The following SPATA31D1 variants were observed in gnomAD, a reference collection of about 807,000 sequenced individuals.
SPATA31D1 encodes the protein SPATA31 subfamily D member 1, also known as spermatogenesis-associated protein 31D1.
In SPATA31D1, 6 loss-of-function variants were observed where a neutral mutation model predicts 13.2. That is an observed-to-expected ratio of 0.46 (90% CI 0.25 to 0.90). The LOEUF is 0.90. Ranked by LOEUF, SPATA31D1 falls within the 40% of genes least tolerant of loss-of-function variation. The pLI, the probability that SPATA31D1 is intolerant of heterozygous loss-of-function variation, is 0.18. For missense variants in SPATA31D1, 2,445 were observed against 1,884.7 expected (o/e 1.30, Z -5.50); for synonymous variants, 903 against 718.8 (o/e 1.26, Z -4.10).
rs774824424 is a variant in SPATA31D1 at position 81,993,937 on chromosome 9, A to C, written c.3467A>C (p.Gln1156Pro). The C allele has an allele frequency of 1.9e-6, 3 of 1,613,930 alleles. No individual in the cohort carries two copies. The highest frequency in any genetic ancestry group is 2.5e-6 in the Non-Finnish European group (3 of 1,179,826). The change falls in exon 4 of 4, where the codon CAA (glutamine) becomes CCA (proline). Residue 1156 changes from glutamine (Q) to proline (P), a missense_variant. Physicochemically the swap from Gln to Pro is moderately conservative, Grantham distance 76. Coordinates refer to ENST00000344803, the MANE Select transcript of SPATA31D1 (RefSeq NM_001001670.3). ...TFPVTNALQS[Q>P]TRNNLTTSKS... ...CCTGTCACCAATGCTCTTCAATCAC[A>C]AACTAGGAACAACTTGACAACCAGC...
At position 81,989,720 on chromosome 9, in the gene SPATA31D1, T is replaced by C. The variant is rs555342349; in HGVS notation, c.187-58T>C. 1.1e-4 allele frequency: 174 copies of C among 1,571,298 alleles called. 2 individuals are homozygous for C. In the Middle Eastern group the frequency reaches 5.2e-3, roughly 47 times the overall value. On this transcript the variant is annotated intron_variant, in intron 1 of 3. Coordinates refer to ENST00000344803, the MANE Select transcript of SPATA31D1 (RefSeq NM_001001670.3). ...TGAATGAATGAATGAATGAATGAGC[T>C]TCATAGAGAGTGAGAGAAGTGAGTC...
chr9:81,993,374 T>G lies in SPATA31D1; in HGVS notation c.2904T>G (p.Thr968=). ...TCTCTAAGTCCCGTAGTCGAAGCACTTTTCAAGGAGAAAAGTTGGGAACAA... is the reference window on the plus strand; with the variant it reads ...TCTCTAAGTCCCGTAGTCGAAGCACGTTTCAAGGAGAAAAGTTGGGAACAA... The part of the protein sequence containing the change: ...DGVSKSRSRS[T]FQGEKLGTTS... Residue 968 remains threonine, a synonymous_variant, in exon 4 of 4, where the codon ACT becomes ACG. Transcript: ENST00000344803. The G allele has an allele frequency of 6.2e-7, 1 of 1,613,986 alleles. No homozygotes were observed. The highest frequency in any genetic ancestry group is 8.5e-7 in the Non-Finnish European group (1 of 1,179,898).
intron 3 of SPATA31D1, 75 bp from the exon 4 acceptor site, chr9:81,990,698 T>C (rs1352661711): frequency 3.9e-6 from 6 of 1,521,362 alleles, no homozygotes; most frequent in Non-Finnish European, 4.4e-6. Flanking sequence ...CAATGTGATA[T>C]GGGCAGCAGG....
In SPATA31D1 at chr9:81,993,729, C is replaced by G; in HGVS notation, c.3259C>G (p.Gln1087Glu). The change falls in exon 4 of 4, where the codon CAG becomes GAG. Residue 1087 changes from glutamine to glutamate, a missense_variant. Physicochemically the swap from Gln to Glu is conservative, Grantham distance 29 (BLOSUM62 2). Transcript: ENST00000344803. ...TGTCCGGACAACAGAGGATGGCAGACAGACTTTTCTGCCCCCGCCACACAG... is the reference window on the plus strand; with the variant it reads ...TGTCCGGACAACAGAGGATGGCAGAGAGACTTTTCTGCCCCCGCCACACAG... ...ESVRTTEDGRQTFLPPPHSIV... is the reference protein window; with the variant it reads ...ESVRTTEDGRETFLPPPHSIV... 1 of 1,613,980 alleles carries G rather than the reference C, an allele frequency of 6.2e-7. No homozygotes were observed. Among genetic ancestry groups the G allele is most frequent in the Admixed American group, 1.7e-5 (1 of 60,020 alleles).
In SPATA31D1 at chr9:81,991,091, C is replaced by T. The variant is rs1374644323; in HGVS notation, c.621C>T (p.Thr207=). The T allele has an allele frequency of 8.7e-6, 14 of 1,613,600 alleles. No individual in the cohort carries two copies. Among genetic ancestry groups the T allele is most frequent in the African/African-American group, 1.3e-5 (1 of 74,906 alleles). ...TTCTCTCACCTGACCTGATCACCAC[C>T]TTAGCTGACTTATTTTCACCCTCAC... ...PLILSPDLIT[T]LADLFSPSPL... is the part of the protein sequence containing the mutation. Residue 207 remains threonine (T), a synonymous_variant, in exon 4 of 4, where the codon ACC becomes ACT. Transcript: ENST00000344803.
At position 81,991,467 on chromosome 9, in the gene SPATA31D1, T is replaced by C; in HGVS notation, c.997T>C (p.Ser333Pro). 3 of 1,614,010 alleles carry C rather than the reference T, an allele frequency of 1.9e-6. No homozygotes were observed. Among genetic ancestry groups the C allele is most frequent in the Non-Finnish European group, 2.5e-6 (3 of 1,179,898 alleles). ...TCCGGAAATGTTATCTCTAGGTGGC[T>C]CTGGTGGGTCATCCACCTCTGCCCC... is the stretch of plus-strand genomic sequence containing the variant. ...TFPEMLSLGG[S>P]GGSSTSAPTI... Residue 333 changes from serine to proline, a missense_variant, in exon 4 of 4, where the codon TCT (serine) becomes CCT (proline). By Grantham distance (74) the Ser-to-Pro change is moderately conservative (BLOSUM62 -1). Coordinates refer to ENST00000344803, the MANE Select transcript of SPATA31D1 (RefSeq NM_001001670.3).
upstream of SPATA31D1, chr9:81,988,638 C>A: frequency 1.1e-6 from 1 of 876,134 alleles, no homozygotes; most frequent in Non-Finnish European, 1.7e-6. Flanking sequence ...ACCTAGAGGG[C>A]CCAGGAGAGT....
In SPATA31D1 at chr9:81,994,785, G is replaced by T; in HGVS notation, c.4315G>T (p.Gly1439Trp). 1.2e-6 allele frequency: 2 copies of T among 1,613,976 alleles called. No individual in the cohort carries two copies. Among genetic ancestry groups the T allele is most frequent in the Non-Finnish European group, 8.5e-7 (1 of 1,179,890 alleles). The change falls in exon 4 of 4, where the codon GGG (glycine) becomes TGG (tryptophan). Residue 1439 changes from glycine (G) to tryptophan (W), a missense_variant. Coordinates refer to ENST00000344803, the MANE Select transcript of SPATA31D1 (RefSeq NM_001001670.3). ...QEPLSFPVGL[G>W]KAQHNPEVHV... ...GCCCCTTTCCTTCCCAGTGGGGCTTGGGAAAGCTCAGCACAACCCAGAAGT... is the reference window on the plus strand; with the variant it reads ...GCCCCTTTCCTTCCCAGTGGGGCTTTGGAAAGCTCAGCACAACCCAGAAGT...
chr9:81,992,436 A>C lies in SPATA31D1; in HGVS notation c.1966A>C (p.Asn656His). ...GGAAGACTTTTGTCCTCCAGCTCCC[A>C]ATCCTGAATTGGTCAGAAAGTCCTT... Reference protein sequence around the residue: ...SQEDFCPPAPNPELVRKSFKV... With the variant: ...SQEDFCPPAPHPELVRKSFKV... The change falls in exon 4 of 4, where the codon AAT becomes CAT. Residue 656 changes from asparagine (N) to histidine (H), a missense_variant. By Grantham distance (68) the Asn-to-His change is moderately conservative. Coordinates refer to ENST00000344803, the MANE Select transcript of SPATA31D1 (RefSeq NM_001001670.3). The C allele has an allele frequency of 6.2e-7, 1 of 1,612,836 alleles. No homozygotes were observed. The highest frequency in any genetic ancestry group is 8.5e-7 in the Non-Finnish European group (1 of 1,179,718).
rs1824966078 is a variant in SPATA31D1, at chr9:81,991,620, CAT to C, written c.1151_1152del (p.His384LeufsTer3). ...TTTCATGGAGGAGCTTCTTACCCTTCATTCTTCTGAGGCCTTTTTAGGGGGGC... is the reference window on the plus strand; with the variant it reads ...TTTCATGGAGGAGCTTCTTACCCTTCTCTTCTGAGGCCTTTTTAGGGGGGC... ...SDFMEELLTL[H>X]SSEAFLGGHS... On this transcript the variant is annotated frameshift_variant, in exon 4 of 4. Coordinates refer to ENST00000344803, the MANE Select transcript of SPATA31D1 (RefSeq NM_001001670.3). LOFTEE classifies it low-confidence loss of function (END_TRUNC). 5.0e-6 allele frequency: 8 copies of C among 1,613,844 alleles called. No homozygotes were observed. In the Admixed American group the frequency reaches 1.3e-4, roughly 27 times the overall value.
In SPATA31D1 at chr9:81,994,268, G is replaced by T. The variant is rs1364557824; in HGVS notation, c.3798G>T (p.Val1266=). The T allele has an allele frequency of 6.2e-7, 1 of 1,614,006 alleles. No individual in the cohort carries two copies. Among genetic ancestry groups the T allele is most frequent in the Non-Finnish European group, 8.5e-7 (1 of 1,179,898 alleles). Residue 1266 remains valine (V), a synonymous_variant, in exon 4 of 4, where the codon GTG becomes GTT. Coordinates refer to ENST00000344803, the MANE Select transcript of SPATA31D1 (RefSeq NM_001001670.3). Reference sequence around the variant, plus strand: ...ACTTGGAGGACAGCGGAATCCGTGTGGCACAGAAGCAGGAGCCCAGGGTCC... The same window carrying T: ...ACTTGGAGGACAGCGGAATCCGTGTTGCACAGAAGCAGGAGCCCAGGGTCC... ...HVHLEDSGIR[V]AQKQEPRVPT... is the part of the protein sequence containing the mutation.
chr9:81,993,014 G>C lies in SPATA31D1; in HGVS notation c.2544G>C (p.Gly848=), dbSNP rs1435379497. Residue 848 remains glycine (G), a synonymous_variant, in exon 4 of 4, where the codon GGG becomes GGC. Coordinates refer to ENST00000344803, the MANE Select transcript of SPATA31D1 (RefSeq NM_001001670.3). ...FEEINEGRMP[G]TVHSSWHSVK... is the part of the protein sequence containing the mutation. ...AAATCAATGAGGGTCGAATGCCTGG[G>C]ACTGTGCATAGTTCATGGCACTCAG... 1 of 1,613,748 alleles carries C rather than the reference G, an allele frequency of 6.2e-7. No homozygotes were observed.
chr9:81,992,436 A>T lies in SPATA31D1; in HGVS notation c.1966A>T (p.Asn656Tyr). Residue 656 changes from asparagine to tyrosine, a missense_variant, in exon 4 of 4, where the codon AAT becomes TAT. Transcript: ENST00000344803. ...SQEDFCPPAP[N>Y]PELVRKSFKV... ...GGAAGACTTTTGTCCTCCAGCTCCC[A>T]ATCCTGAATTGGTCAGAAAGTCCTT... 2.5e-6 allele frequency: 4 copies of T among 1,612,836 alleles called. No individual in the cohort carries two copies. The South Asian group carries it at 3.3e-5, about 13-fold the overall frequency.
rs1825045534 is a variant in SPATA31D1 at position 81,994,200 on chromosome 9, A to T, written c.3730A>T (p.Ile1244Phe). The T allele has an allele frequency of 1.2e-6, 2 of 1,614,046 alleles. No individual in the cohort carries two copies. Among genetic ancestry groups the T allele is most frequent in the South Asian group, 2.2e-5 (2 of 91,090 alleles). The change falls in exon 4 of 4, where the codon ATC becomes TTC. Residue 1244 changes from isoleucine (I) to phenylalanine (F), a missense_variant. Ile to Phe is a conservative substitution (Grantham distance 21). Coordinates refer to ENST00000344803, the MANE Select transcript of SPATA31D1 (RefSeq NM_001001670.3). Reference sequence around the variant, plus strand: ...GGACTTACTGACTAATTCCCAGGGCATCTCGAGTGGGGACATGGGAACTTC... The same window carrying T: ...GGACTTACTGACTAATTCCCAGGGCTTCTCGAGTGGGGACATGGGAACTTC... ...SKDLLTNSQG[I>F]SSGDMGTSQV...
In SPATA31D1 at chr9:81,990,410, T is replaced by C. The variant is rs751541771; in HGVS notation, c.233-7T>C. ...TCTATCTTCATTGCATATAACATACTATTCAGGTTTCCCAGACTGGAAAAG... is the reference window on the plus strand; with the variant it reads ...TCTATCTTCATTGCATATAACATACCATTCAGGTTTCCCAGACTGGAAAAG... On this transcript the variant is annotated splice_region_variant and splice_polypyrimidine_tract_variant and intron_variant, in intron 2 of 3. Transcript: ENST00000344803. 1.8e-5 allele frequency: 29 copies of C among 1,599,776 alleles called. No homozygotes were observed. In the East Asian group the frequency reaches 3.1e-4, roughly 17 times the overall value.
In SPATA31D1 at chr9:81,988,773, G is replaced by A. The variant is rs372021908; in HGVS notation, c.-46G>A. The A allele has an allele frequency of 8.7e-6, 14 of 1,611,536 alleles. No individual in the cohort carries two copies. The highest frequency in any genetic ancestry group is 1.3e-5 in the African/African-American group (1 of 74,842). ...GGCCTGTGCTTATAGTTAAGCCTGG[G>A]CACCCTCAGTGCTCAGTTGCTTCAG... On this transcript the variant is annotated 5_prime_UTR_variant, in exon 1 of 4. Transcript: ENST00000344803.
Position 81,994,290 on chromosome 9 carries a change from G to T in SPATA31D1, c.3820G>T (p.Val1274Phe), listed in dbSNP as rs1587533143. The T allele has an allele frequency of 9.9e-6, 16 of 1,613,990 alleles. No homozygotes were observed. The highest frequency in any genetic ancestry group is 1.4e-5 in the Non-Finnish European group (16 of 1,179,894). The change falls in exon 4 of 4, where the codon GTC (valine) becomes TTC (phenylalanine). Residue 1274 changes from valine to phenylalanine, a missense_variant. Physicochemically the swap from Val to Phe is conservative, Grantham distance 50. Coordinates refer to ENST00000344803, the MANE Select transcript of SPATA31D1 (RefSeq NM_001001670.3). ...IRVAQKQEPRVPTCVLQKCQV... is the reference protein window; with the variant it reads ...IRVAQKQEPRFPTCVLQKCQV... ...TGTGGCACAGAAGCAGGAGCCCAGGGTCCCTACCTGTGTCTTACAGAAGTG... is the reference window on the plus strand; with the variant it reads ...TGTGGCACAGAAGCAGGAGCCCAGGTTCCCTACCTGTGTCTTACAGAAGTG...
Position 81,993,761 on chromosome 9 carries a change from A to G in SPATA31D1, c.3291A>G (p.Val1097=). 6.2e-7 allele frequency: 1 copy of G among 1,614,054 alleles called. No individual in the cohort carries two copies. Among genetic ancestry groups the G allele is most frequent in the Non-Finnish European group, 8.5e-7 (1 of 1,179,892 alleles). The change falls in exon 4 of 4, where the codon GTA becomes GTG. Residue 1097 remains valine (V), a synonymous_variant. Coordinates refer to ENST00000344803, the MANE Select transcript of SPATA31D1 (RefSeq NM_001001670.3). ...QTFLPPPHSI[V]DEVSQKQTVL... ...TTCTGCCCCCGCCACACAGCATCGTAGACGAAGTCAGTCAGAAACAGACTG... is the reference window on the plus strand; with the variant it reads ...TTCTGCCCCCGCCACACAGCATCGTGGACGAAGTCAGTCAGAAACAGACTG...
In SPATA31D1 at chr9:81,994,237, A is replaced by T. The variant is rs200636420; in HGVS notation, c.3767A>T (p.His1256Leu). The T allele has an allele frequency of 6.3e-5, 101 of 1,613,898 alleles. No homozygotes were observed. Among genetic ancestry groups the T allele is most frequent in the South Asian group, 3.5e-4 (32 of 91,086 alleles). The change falls in exon 4 of 4, where the codon CAT becomes CTT. Residue 1256 changes from histidine to leucine, a missense_variant. Transcript: ENST00000344803. ...SGDMGTSQVV[H>L]VHLEDSGIRV... ...GACATGGGAACTTCCCAGGTGGTGC[A>T]TGTCCACTTGGAGGACAGCGGAATC...
Sources: allele counts gnomAD v4.1 joint callset, GRCh38; gene constraint gnomAD v4.1.1; transcripts MANE v1.5; gene names NCBI Gene and HGNC (gene_info 2026-07-23, HGNC 2026-07-21).